DMD: variants seen among roughly 807,000 people sequenced by gnomAD.
DMD encodes the protein mutant dystrophin.
DMD carries 63 observed loss-of-function variants against 330.1 expected under a neutral mutation model. That is an observed-to-expected ratio of 0.19 (90% CI 0.16 to 0.24). The LOEUF is 0.24. Ranked by LOEUF, DMD falls within the 10% of genes least tolerant of loss-of-function variation. The pLI is 1.00. For synonymous variants in DMD, 1,223 were observed against 959.8 expected (o/e 1.27, Z -5.07); for missense variants, 3,344 against 2,684.1 (o/e 1.25, Z -5.43).
chrX:31,802,545 C>CA (rs2092117066), intron 50 of DMD, among the ~76,000 whole-genome samples: 2 of 110,925 alleles, frequency 1.8e-5, no homozygotes, highest in African/African-American at 3.3e-5. Context: ...TATTTAGGAG[C>CA]AAAAAAATCA....
At chrX:32,570,340 G>A (rs1369550861) in intron 15 of DMD, among the ~76,000 whole-genome samples, 1 of 111,902 alleles carries the variant, frequency 8.9e-6, no homozygotes, top group Admixed American at 9.5e-5. Context: ...TAGACCAGCT[G>A]TCAGGTTTTG....
intron 44 of DMD, among the ~76,000 whole-genome samples, chrX:31,991,681 A>G (rs968859291): frequency 2.7e-5 from 3 of 109,592 alleles, no homozygotes; most frequent in Non-Finnish European, 5.7e-5. Flanking sequence ...AGAGAAAACA[A>G]TAAGCCTCAA....
At chrX:32,411,540 T>C (rs182305524) in intron 30 of DMD, among the ~76,000 whole-genome samples, 1 of 111,740 alleles carries the variant, frequency 8.9e-6, no homozygotes, top group East Asian at 2.8e-4. Flanking sequence ...ATGTCTTTAT[T>C]TCAAATTCCT....
At chrX:32,888,438 A>T (rs1361667667) in intron 2 of DMD, among the ~76,000 whole-genome samples, 2 of 111,513 alleles carry the variant, frequency 1.8e-5, no homozygotes, top group Non-Finnish European at 3.8e-5. Context: ...TTAGTCAGGT[A>T]ACTGCAAATT....
intron 55 of DMD, among the ~76,000 whole-genome samples, chrX:31,586,380 A>G (rs1345506144): frequency 1.8e-5 from 2 of 112,576 alleles, no homozygotes; most frequent in Non-Finnish European, 3.8e-5. Flanking sequence ...AAAGCTACAT[A>G]TGTGCTAAAT....
At chrX:32,153,215 T>C (rs951247046) in intron 44 of DMD, among the ~76,000 whole-genome samples, 7 of 112,246 alleles carry the variant, frequency 6.2e-5, no homozygotes, top group Non-Finnish European at 1.1e-4. Flanking sequence ...ATATTTCTCT[T>C]TTTTTAAGTT....
At chrX:31,257,847 G>T (rs1462005326) in intron 63 of DMD, among the ~76,000 whole-genome samples, 1 of 112,216 alleles carries the variant, frequency 8.9e-6, no homozygotes, top group East Asian at 2.8e-4. Flanking sequence ...TCGGGAGGCT[G>T]AAGCAGGAGA....
chrX:33,275,450 C>A (rs2053219332), intron 1 of DMD, among the ~76,000 whole-genome samples: 2 of 111,629 alleles, frequency 1.8e-5, no homozygotes, highest in Non-Finnish European at 3.8e-5. Flanking sequence ...AAGTTCAGAT[C>A]CGTTTTAAAT....
intron 44 of DMD, 94 bp from the exon 45 acceptor site, chrX:31,968,608 T>C: frequency 2.1e-6 from 2 of 939,037 alleles, no homozygotes; most frequent in African/African-American, 1.9e-5. Context: ...GCAGTTGTAC[T>C]GGCAAAGAAA....
At chrX:31,364,116 C>A (rs1240219133) in intron 60 of DMD, among the ~76,000 whole-genome samples, 1 of 112,843 alleles carries the variant, frequency 8.9e-6, no homozygotes, top group East Asian at 2.8e-4. Flanking sequence ...TGTGCTGACA[C>A]AGAGTCTAGA....
rs752033530 is a variant in DMD at position 32,674,558 on chromosome X, A to C, written c.960+23312T>G. Among the ~76,000 whole-genome samples, 14 of 111,141 alleles carry C rather than the reference A, an allele frequency of 1.3e-4. No individual in the cohort carries two copies. The Admixed American group carries it at 1.3e-3, about 11-fold the overall frequency. On this transcript the variant is annotated intron_variant, in intron 9 of 78. Coordinates refer to ENST00000357033, the MANE Select transcript of DMD (RefSeq NM_004006.3). ...GCATTGTTATTACTCTCAGTTCTAG[A>C]TATGCGCTCGGTTTTTGTGCAAGCC...
intron 55 of DMD, among the ~76,000 whole-genome samples, chrX:31,528,069 G>T (rs766900144): frequency 1.4e-4 from 15 of 110,977 alleles, no homozygotes; most frequent in Non-Finnish European, 2.6e-4. Flanking sequence ...ATGGTTCTTT[G>T]TCACAGCAGA....
intron 7 of DMD, among the ~76,000 whole-genome samples, chrX:32,792,486 A>C (rs1278240686): frequency 8.9e-6 from 1 of 112,273 alleles, no homozygotes; most frequent in Admixed American, 9.4e-5. Context: ...TGTTGAATGT[A>C]AATTGATTAA....
At chrX:31,638,583 A>C (rs1431370943) in intron 54 of DMD, among the ~76,000 whole-genome samples, 1 of 112,647 alleles carries the variant, frequency 8.9e-6, no homozygotes, top group Non-Finnish European at 1.9e-5. Flanking sequence ...GACTTTGTCA[A>C]ATGCCCAGAT....
At chrX:31,988,666 T>C (rs970098617) in intron 44 of DMD, among the ~76,000 whole-genome samples, 1 of 109,905 alleles carries the variant, frequency 9.1e-6, no homozygotes, top group Non-Finnish European at 1.9e-5. Context: ...ATTAACTCCA[T>C]GAAAAATTGA....
At chrX:32,114,241 A>G (rs1398192027) in intron 44 of DMD, among the ~76,000 whole-genome samples, 1 of 111,866 alleles carries the variant, frequency 8.9e-6, no homozygotes, top group African/African-American at 3.2e-5. Flanking sequence ...CTTGGGGACC[A>G]CATAATCTAC....
At chrX:31,147,053 G>C (rs1308603168) in intron 75 of DMD, among the ~76,000 whole-genome samples, 1 of 111,466 alleles carries the variant, frequency 9.0e-6, no homozygotes, top group Non-Finnish European at 1.9e-5. Context: ...AATTGGTCAA[G>C]AAAAAACCAT....
chrX:32,398,164 T>C (rs752437471), intron 30 of DMD, among the ~76,000 whole-genome samples: 3 of 109,151 alleles, frequency 2.7e-5, no homozygotes, highest in African/African-American at 9.9e-5. Context: ...ATTATTTTCA[T>C]AGAAAAAAAA....
At chrX:32,518,212 A>G (rs932571612) in intron 17 of DMD, 81 bp from the exon 18 acceptor site, 11 of 995,905 alleles carry the variant, frequency 1.1e-5, no homozygotes, top group Non-Finnish European at 1.4e-5. Context: ...ATCCACATTT[A>G]TCATTCTTTT....
Sources: allele counts gnomAD v4.1 joint callset (sites outside exome capture counted in the v4.1 genomes callset), GRCh38; gene constraint gnomAD v4.1.1; transcripts MANE v1.5; gene names NCBI Gene and HGNC (gene_info 2026-07-23, HGNC 2026-07-21).